FOXP1: variants seen among roughly 807,000 people sequenced by gnomAD.
FOXP1 encodes forkhead box protein P1.
A neutral mutation model predicts 98.2 loss-of-function variants in FOXP1; 15 were observed. The ratio of observed to expected loss-of-function variants is 0.15; its 90% CI spans 0.10 to 0.24. The LOEUF is 0.24. Ranked by LOEUF, FOXP1 falls within the 10% of genes least tolerant of loss-of-function variation. The pLI, the probability that FOXP1 is intolerant of heterozygous loss-of-function variation, is 1.00. For missense variants in FOXP1, 633 were observed against 848.5 expected (o/e 0.75, Z 3.15); for synonymous variants, 371 against 314.5 (o/e 1.18, Z -1.90).
chr3:71,465,322 AAAAAG>A (rs1354673278), intron 3 of FOXP1, among the ~76,000 whole-genome samples: 9 of 140,304 alleles, frequency 6.4e-5, no homozygotes, highest in Middle Eastern at 3.6e-3. Context: ...AAAAAAAAAA[AAAAAG>A]AAGAAGAAGA....
chr3:71,091,524 AAAC>A (rs1263479084), intron 7 of FOXP1, among the ~76,000 whole-genome samples: 180 of 151,196 alleles, frequency 1.2e-3, no homozygotes, highest in African/African-American at 4.2e-3. Context: ...CAAAACAAAC[AAAC>A]AAAAAAAAAA....
intron 3 of FOXP1, among the ~76,000 whole-genome samples, chr3:71,359,732 T>C (rs2078418814): frequency 6.6e-6 from 1 of 152,126 alleles, no homozygotes; most frequent in Non-Finnish European, 1.5e-5. Flanking sequence ...TAAATTTTAG[T>C]AGGCCGGCTG....
intron 5 of FOXP1, among the ~76,000 whole-genome samples, chr3:71,270,665 G>A (rs1010697285): frequency 2.6e-5 from 4 of 152,202 alleles, no homozygotes; most frequent in African/African-American, 9.7e-5. Flanking sequence ...CAGGGATGGG[G>A]CCCACCGTGT....
intron 2 of FOXP1, among the ~76,000 whole-genome samples, chr3:71,565,608 G>GTATATT (rs1427270169): frequency 2.6e-5 from 4 of 152,192 alleles, no homozygotes; most frequent in African/African-American, 4.8e-5. Flanking sequence ...ATAGTACCTA[G>GTATATT]TATATTTTCG....
intron 18 of FOXP1, chr3:70,972,052 G>T: frequency 6.7e-7 from 1 of 1,500,044 alleles, no homozygotes. Context: ...GGCAGTATTT[G>T]CGAGGACGGC....
intron 6 of FOXP1, among the ~76,000 whole-genome samples, chr3:71,141,758 A>G (rs2060083014): frequency 6.6e-6 from 1 of 152,178 alleles, no homozygotes; most frequent in African/African-American, 2.4e-5. Context: ...AATTAGAGCC[A>G]CTGTGAAGGA....
Position 71,092,474 on chromosome 3 carries a change from C to T in FOXP1, c.282+20062G>A, listed in dbSNP as rs566285997. Among the ~76,000 whole-genome samples the T allele has an allele frequency of 1.1e-4, 16 of 152,112 alleles. No individual in the cohort carries two copies. The South Asian group carries it at 1.2e-3, about 12-fold the overall frequency. On this transcript the variant is annotated intron_variant, in intron 7 of 20. Transcript: ENST00000649528. ...TGTGGGACCCTAAAATCAGTATCAG[C>T]GGAAACTGAAGGTCACGTTCCTCCC...
chr3:71,328,713 C>T (rs1371691474), intron 4 of FOXP1, among the ~76,000 whole-genome samples: 1 of 152,154 alleles, frequency 6.6e-6, no homozygotes, highest in Non-Finnish European at 1.5e-5. Flanking sequence ...TGGCTCATGC[C>T]TGTAATCCCA....
intron 5 of FOXP1, among the ~76,000 whole-genome samples, chr3:71,295,736 C>A (rs936156484): frequency 3.3e-5 from 5 of 152,114 alleles, no homozygotes; most frequent in African/African-American, 9.7e-5. Flanking sequence ...GAATTTTAAG[C>A]AAATGCATGT....
At chr3:71,232,557 CA>C (rs1390526317) in intron 5 of FOXP1, among the ~76,000 whole-genome samples, 4 of 151,442 alleles carry the variant, frequency 2.6e-5, no homozygotes, top group Non-Finnish European at 5.9e-5. Context: ...CCATAGATCT[CA>C]AAAAATGAAA....
chr3:71,103,845 G>A (rs2057193252), intron 7 of FOXP1, among the ~76,000 whole-genome samples: 1 of 152,146 alleles, frequency 6.6e-6, no homozygotes, highest in Non-Finnish European at 1.5e-5. Context: ...CACACTGTGA[G>A]ACTCATATGG....
rs564103092 is a variant in FOXP1 at position 71,540,698 on chromosome 3, T to C, written c.-298+40851A>G. On this transcript the variant is annotated intron_variant, in intron 2 of 20. Coordinates refer to ENST00000649528, the MANE Select transcript of FOXP1 (RefSeq NM_001349338.3). ...CAGGGTAATTCACCTAAGGCCTCGC[T>C]TCTCCAAACTGCCACCGTTGGCATT... 5.9e-5 allele frequency among the ~76,000 whole-genome samples: 9 copies of C among 152,328 alleles called. No individual in the cohort carries two copies. The East Asian group carries it at 1.7e-3, about 29-fold the overall frequency.
chr3:71,064,906 C>G lies in FOXP1; in HGVS notation c.283-11133G>C, dbSNP rs1018305513. The G allele has an allele frequency of 5.7e-6, 4 of 699,718 alleles. No homozygotes were observed. In the African/African-American group the frequency reaches 5.9e-5, roughly 10 times the overall value. 43.3% of individuals were successfully genotyped at this position (699,718 alleles called of 1,614,324 possible). ...GGCCGGGCGTGGGGTCCGGCGGCCT[C>G]GGCGTGCAGGCGGACTGCACGCGCG... is the stretch of plus-strand genomic sequence containing the variant. On this transcript the variant is annotated intron_variant, in intron 7 of 20. Transcript: ENST00000649528.
chr3:71,225,982 T>G (rs1238365905), intron 5 of FOXP1, among the ~76,000 whole-genome samples: 9 of 152,206 alleles, frequency 5.9e-5, no homozygotes, highest in Non-Finnish European at 1.3e-4. Flanking sequence ...ACTTTCACTT[T>G]CTAGAAACAA....
intron 3 of FOXP1, among the ~76,000 whole-genome samples, chr3:71,409,284 T>C (rs1216982292): frequency 6.6e-6 from 1 of 152,182 alleles, no homozygotes; most frequent in Non-Finnish European, 1.5e-5. Context: ...AAACATTATA[T>C]AGTGTTTGAT....
chr3:71,112,704 G>T, intron 6 of FOXP1, 67 bp from the exon 7 acceptor site: 1 of 1,239,668 alleles, frequency 8.1e-7, no homozygotes. Context: ...CATAAAAAAG[G>T]ATTCCAGGAA....
intron 6 of FOXP1, among the ~76,000 whole-genome samples, chr3:71,146,807 C>T (rs1305693706): frequency 6.6e-6 from 1 of 152,240 alleles, no homozygotes; most frequent in African/African-American, 2.4e-5. Context: ...GGCTGAAACA[C>T]TAAGCGGAAG....
In FOXP1 at chr3:71,041,547, T is replaced by C. The variant is rs201229832; in HGVS notation, c.665-15A>G. ...TGGAATCATGCCTGAAACAAACAAA[T>C]TGGATAATTAAATCAATTAACAGCT... On this transcript the variant is annotated splice_polypyrimidine_tract_variant and intron_variant, in intron 10 of 20. Transcript: ENST00000649528. 57 of 1,611,888 alleles carry C rather than the reference T, an allele frequency of 3.5e-5. 1 individual carries two copies. In the Admixed American group the frequency reaches 7.8e-4, roughly 22 times the overall value.
chr3:71,446,036 GGTGAGTGAGTGAGTGAGTGA>G lies in FOXP1; in HGVS notation c.-168+47370_-168+47389del, dbSNP rs34045911. Among the ~76,000 whole-genome samples the G allele has an allele frequency of 1.2e-3, 181 of 149,284 alleles. 1 individual carries two copies. The highest frequency in any genetic ancestry group is 3.4e-3 in the Middle Eastern group (1 of 294). ...AAGTATCTATTGAAAACAACTCATA[GGTGAGTGAGTGAGTGAGTGA>G]GTGAGTGAGTGAGTGAGTGAGTGAG... On this transcript the variant is annotated intron_variant, in intron 3 of 20. Coordinates refer to ENST00000649528, the MANE Select transcript of FOXP1 (RefSeq NM_001349338.3).
Sources: gnomAD v4.1 joint callset for allele counts (sites outside exome capture counted in the v4.1 genomes callset) on GRCh38, gnomAD v4.1.1 for gene constraint, MANE v1.5 for transcripts, NCBI Gene and HGNC (gene_info 2026-07-23, HGNC 2026-07-21) for gene names.